GLP2R: variants seen among roughly 807,000 people sequenced by gnomAD.
GLP2R encodes the protein glucagon like peptide 2 receptor.
Under a neutral mutation model 68.2 loss-of-function variants are expected in GLP2R, and 59 were observed. The observed-to-expected ratio is 0.87, with a 90% confidence interval of 0.70 to 1.07. The LOEUF is 1.07. Among genes scored for constraint, GLP2R ranks in the 50% least tolerant of loss-of-function variants. The pLI is 0.00. For missense variants in GLP2R, 548 were observed against 677.4 expected (o/e 0.81, Z 2.12); for synonymous variants, 270 against 265.4 (o/e 1.02, Z -0.17).
intron 4 of GLP2R, among the ~76,000 whole-genome samples, chr17:9,847,400 G>A (rs1246265912): frequency 6.6e-6 from 1 of 152,002 alleles, no homozygotes; most frequent in East Asian, 1.9e-4. Context: ...CTCCAGAGTA[G>A]CTGGGACTAC....
rs982800340 is a variant in GLP2R at position 9,854,689 on chromosome 17, A to T, written c.611+88A>T. On this transcript the variant is annotated intron_variant, in intron 5 of 12. Transcript: ENST00000262441. Reference sequence around the variant, plus strand: ...GGATATGTTCTAAGAGTTCCAGTAGATGCCTGAAACCAGGGGTAGAACGAA... The same window carrying T: ...GGATATGTTCTAAGAGTTCCAGTAGTTGCCTGAAACCAGGGGTAGAACGAA... 3.7e-6 allele frequency: 3 copies of T among 812,396 alleles called. No homozygotes were observed. In the African/African-American group the frequency reaches 5.0e-5, roughly 14 times the overall value. 50.3% of individuals were successfully genotyped at this position (812,396 alleles called of 1,614,324 possible). A position where few individuals can be genotyped will look rare whatever the true frequency, so the allele number is the denominator to read the frequency against.
intron 9 of GLP2R, chr17:9,866,823 A>G (rs994257511): frequency 2.0e-5 from 3 of 152,154 alleles, no homozygotes; most frequent in Non-Finnish European, 4.4e-5. Flanking sequence ...GCAATTTTCC[A>G]CTGATCTGAA....
intron 4 of GLP2R, among the ~76,000 whole-genome samples, chr17:9,847,211 G>A (rs1054083102): frequency 3.9e-5 from 6 of 152,166 alleles, no homozygotes; most frequent in African/African-American, 1.4e-4. Flanking sequence ...TGAATTTGGA[G>A]TATTTATTGC....
intron 9 of GLP2R, among the ~76,000 whole-genome samples, chr17:9,870,523 G>A (rs1178803525): frequency 6.6e-6 from 1 of 152,132 alleles, no homozygotes; most frequent in Non-Finnish European, 1.5e-5. Context: ...GATGACCTTT[G>A]GGACTTTGGA....
intron 5 of GLP2R, 146 bp downstream of exon 5, chr17:9,854,747 C>G: frequency 1.6e-6 from 1 of 637,110 alleles, no homozygotes; most frequent in Non-Finnish European, 2.8e-6. Flanking sequence ...AGAACCAACC[C>G]TATGTTTGGT....
At chr17:9,844,645 T>G (rs569865625) in intron 4 of GLP2R, among the ~76,000 whole-genome samples, 1 of 144,410 alleles carries the variant, frequency 6.9e-6, no homozygotes, top group East Asian at 2.2e-4. Flanking sequence ...CCCTTTGGAT[T>G]CTCAATATTT....
chr17:9,879,926 T>TGGTAACTCAAGG (rs2067180442), intron 10 of GLP2R, among the ~76,000 whole-genome samples: 1 of 152,118 alleles, frequency 6.6e-6, no homozygotes, highest in Admixed American at 6.5e-5. Flanking sequence ...GGGCAACTCA[T>TGGTAACTCAAGG]TTTCTCTCCC....
At chr17:9,866,376 G>C (rs533212590) in intron 9 of GLP2R, 1 of 165,638 alleles carries the variant, frequency 6.0e-6, no homozygotes, top group East Asian at 1.6e-4. Context: ...GGAGAATGTT[G>C]CTACTGGCAT....
intron 3 of GLP2R, among the ~76,000 whole-genome samples, chr17:9,840,801 G>T (rs935479918): frequency 1.3e-5 from 2 of 152,266 alleles, no homozygotes; most frequent in African/African-American, 4.8e-5. Flanking sequence ...CAGGAGGGAA[G>T]GAGACAGCAG....
chr17:9,859,929 T>G lies in GLP2R; in HGVS notation c.766-13T>G. ...GAGCCTGGACTCACCCTCAGGTGTT[T>G]TTTCCTCTGCAGATGTCCACCTCCT... On this transcript the variant is annotated splice_polypyrimidine_tract_variant and intron_variant, in intron 6 of 12. Coordinates refer to ENST00000262441, the MANE Select transcript of GLP2R (RefSeq NM_004246.3). 6.3e-7 allele frequency: 1 copy of G among 1,590,418 alleles called. No homozygotes were observed. Among genetic ancestry groups the G allele is most frequent in the Non-Finnish European group, 8.6e-7 (1 of 1,167,134 alleles).
At chr17:9,866,292 A>G (rs561460478) in intron 9 of GLP2R, 17 of 185,958 alleles carry the variant, frequency 9.1e-5, no homozygotes, top group African/African-American at 4.0e-4. Flanking sequence ...ACCAGAGGAG[A>G]TTCTGACCCC....
chr17:9,866,153 AG>A (rs1283849451), intron 9 of GLP2R: 1 of 328,638 alleles, frequency 3.0e-6, no homozygotes, highest in Non-Finnish European at 5.9e-6. Context: ...TGAAAGAGGC[AG>A]GCTAGGAGTC....
chr17:9,856,461 G>C (rs1001673718), intron 5 of GLP2R, among the ~76,000 whole-genome samples: 3 of 152,210 alleles, frequency 2.0e-5, no homozygotes, highest in African/African-American at 7.2e-5. Flanking sequence ...ATATAGGACA[G>C]GGTGTGTGCT....
chr17:9,888,947 T>G (rs1567742189), intron 12 of GLP2R, among the ~76,000 whole-genome samples: 1 of 152,174 alleles, frequency 6.6e-6, no homozygotes. Context: ...GTGTAAATAT[T>G]TATTTCTGTC....
At position 9,889,693 on chromosome 17, in the gene GLP2R, G is replaced by T; in HGVS notation, c.1650G>T (p.Glu550Asp). ...ACACCATGGAGGAGATTCTGGAAGA[G>T]AGTGAGATCTAGGGTGGAGTTCCAC... ...MANTMEEILE[E>D]SEI Residue 550 changes from glutamate to aspartate, a missense_variant, in exon 13 of 13, where the codon GAG becomes GAT. Transcript: ENST00000262441. The T allele has an allele frequency of 6.4e-7, 1 of 1,564,612 alleles. No individual in the cohort carries two copies. Among genetic ancestry groups the T allele is most frequent in the Admixed American group, 1.9e-5 (1 of 53,832 alleles).
chr17:9,830,315 G>A (rs1165861187), intron 1 of GLP2R, among the ~76,000 whole-genome samples: 1 of 152,156 alleles, frequency 6.6e-6, no homozygotes, highest in Non-Finnish European at 1.5e-5. Flanking sequence ...ATAGTACTTT[G>A]TCCACCAATG....
chr17:9,840,166 AGGGTTT>A (rs1232779528), intron 3 of GLP2R, among the ~76,000 whole-genome samples: 2 of 152,044 alleles, frequency 1.3e-5, no homozygotes, highest in Non-Finnish European at 2.9e-5. Context: ...TAATAGAGAC[AGGGTTT>A]CACTATGTTG....
intron 10 of GLP2R, among the ~76,000 whole-genome samples, chr17:9,877,524 T>C (rs1286963635): frequency 6.6e-6 from 1 of 152,198 alleles, no homozygotes; most frequent in Non-Finnish European, 1.5e-5. Context: ...CCCCGAACTT[T>C]AGTTCCTAGT....
At chr17:9,839,768 A>G (rs1049697850) in intron 3 of GLP2R, among the ~76,000 whole-genome samples, 10 of 152,034 alleles carry the variant, frequency 6.6e-5, no homozygotes, top group African/African-American at 1.9e-4. Flanking sequence ...CTCCAGCCCA[A>G]TGAGCAACTC....
Sources: gnomAD v4.1 joint callset for allele counts (sites outside exome capture counted in the v4.1 genomes callset) on GRCh38, gnomAD v4.1.1 for gene constraint, MANE v1.5 for transcripts, NCBI Gene and HGNC (gene_info 2026-07-23, HGNC 2026-07-21) for gene names.